The following TEX11 variants were observed in gnomAD, a reference collection of about 807,000 sequenced individuals.
TEX11 encodes testis expressed 11, also known as testis-expressed protein 11.
Under a neutral mutation model 84.4 loss-of-function variants are expected in TEX11, and 7 were observed. That is an observed-to-expected ratio of 0.08 (90% CI 0.05 to 0.16). TEX11 has a LOEUF of 0.16. Among genes scored for constraint, TEX11 ranks in the 10% least tolerant of loss-of-function variants. TEX11 has a pLI of 1.00. For missense variants in TEX11, 551 were observed against 660.5 expected (o/e 0.83, Z 1.82); for synonymous variants, 264 against 222.8 (o/e 1.18, Z -1.64).
chrX:70,587,129 G>A (rs2147490589), intron 25 of TEX11, among the ~76,000 whole-genome samples: 1 of 112,348 alleles, frequency 8.9e-6, no homozygotes, highest in South Asian at 3.7e-4. Flanking sequence ...AAGGGAAGCA[G>A]AGCATAAAAG....
chrX:70,907,142 G>C (rs2091838182), intron 2 of TEX11, among the ~76,000 whole-genome samples: 1 of 111,832 alleles, frequency 8.9e-6, no homozygotes, highest in East Asian at 2.8e-4. Flanking sequence ...GGATGATTAT[G>C]GAAAGGAACT....
In TEX11 at chrX:70,602,374, C is replaced by T. The variant is rs1308092675; in HGVS notation, c.2067+3027G>A. Among the ~76,000 whole-genome samples, 359 of 106,675 alleles carry T rather than the reference C, an allele frequency of 3.4e-3. 4 individuals carry two copies. Among genetic ancestry groups the T allele is most frequent in the African/African-American group, 0.012 (345 of 28,518 alleles). 92.6% of individuals were successfully genotyped at this position (106,675 alleles called of 115,157 possible). Reference sequence around the variant, plus strand: ...CACCATGATCAAGTGGGCTTCATCCCTGGGATGCAAGGCTGGTTCAATATA... The same window carrying T: ...CACCATGATCAAGTGGGCTTCATCCTTGGGATGCAAGGCTGGTTCAATATA... On this transcript the variant is annotated intron_variant, in intron 24 of 29. Transcript: ENST00000374333.
At chrX:70,813,634 A>G (rs1182376523) in intron 8 of TEX11, among the ~76,000 whole-genome samples, 28 of 111,483 alleles carry the variant, frequency 2.5e-4, no homozygotes, top group African/African-American at 9.1e-4. Context: ...AAGGGTATCC[A>G]ATTAGGAAAA....
At chrX:70,745,660 G>A (rs1212249875) in intron 9 of TEX11, among the ~76,000 whole-genome samples, 1 of 111,861 alleles carries the variant, frequency 8.9e-6, no homozygotes, top group Non-Finnish European at 1.9e-5. Context: ...CTTAAACCTA[G>A]GAGGTGGAGG....
At chrX:70,881,566 T>C (rs754408000) in intron 2 of TEX11, among the ~76,000 whole-genome samples, 98 of 110,851 alleles carry the variant, frequency 8.8e-4, no homozygotes, top group African/African-American at 3.0e-3. Context: ...AACAGAACTT[T>C]TACCTTGCTA....
intron 13 of TEX11, among the ~76,000 whole-genome samples, chrX:70,713,623 G>A: frequency 9.0e-6 from 1 of 111,290 alleles, no homozygotes; most frequent in Non-Finnish European, 1.9e-5. Flanking sequence ...TATTTCTGTG[G>A]GATCGGTGGT....
At chrX:70,713,118 G>T (rs1259183523) in intron 13 of TEX11, among the ~76,000 whole-genome samples, 9 of 111,923 alleles carry the variant, frequency 8.0e-5, no homozygotes. Flanking sequence ...TGTTGAACCA[G>T]CCTCGCATCC....
At chrX:70,545,334 T>C (rs1191892389) in intron 28 of TEX11, among the ~76,000 whole-genome samples, 1 of 112,574 alleles carries the variant, frequency 8.9e-6, no homozygotes, top group Non-Finnish European at 1.9e-5. Flanking sequence ...ATAAGTGTTT[T>C]CCTATTTTTA....
At chrX:70,897,299 A>G (rs1263049435) in intron 2 of TEX11, among the ~76,000 whole-genome samples, 4 of 103,579 alleles carry the variant, frequency 3.9e-5, no homozygotes. Flanking sequence ...TGAATGAAAC[A>G]GACAAGAGTT....
intron 12 of TEX11, chrX:70,724,061 C>G: frequency 1.3e-6 from 1 of 748,428 alleles, no homozygotes; most frequent in East Asian, 1.5e-4. Context: ...ATTTTAAACT[C>G]TGCTTCTTAC....
At chrX:70,634,019 A>C (rs1324561242) in intron 17 of TEX11, among the ~76,000 whole-genome samples, 1 of 112,467 alleles carries the variant, frequency 8.9e-6, no homozygotes, top group African/African-American at 3.2e-5. Context: ...AAGTGAGTTT[A>C]CCAAAGTTGT....
intron 9 of TEX11, among the ~76,000 whole-genome samples, chrX:70,792,778 T>C (rs1221029099): frequency 1.8e-5 from 2 of 110,677 alleles, no homozygotes; most frequent in Admixed American, 9.7e-5. Flanking sequence ...GTACCAATCC[T>C]ACTGAAAATA....
chrX:70,767,042 T>C (rs2090944925), intron 9 of TEX11, among the ~76,000 whole-genome samples: 1 of 111,881 alleles, frequency 8.9e-6, no homozygotes, highest in African/African-American at 3.2e-5. Flanking sequence ...AAAATCTCTA[T>C]AACATCAGTC....
intron 3 of TEX11, among the ~76,000 whole-genome samples, chrX:70,878,861 G>A (rs1026830154): frequency 9.0e-6 from 1 of 111,235 alleles, no homozygotes; most frequent in Non-Finnish European, 1.9e-5. Context: ...GCCAAAAGGT[G>A]GAAGCAATGA....
intron 28 of TEX11, 44 bp from the exon 29 acceptor site, chrX:70,530,043 T>C (rs1261263302): frequency 8.3e-6 from 9 of 1,085,855 alleles, no homozygotes; most frequent in Middle Eastern, 2.6e-4. Flanking sequence ...ACTGTCACAG[T>C]TCATTGTGGC....
chrX:70,605,359 G>A (rs1041990562), intron 24 of TEX11, 42 bp downstream of exon 24: 2 of 909,611 alleles, frequency 2.2e-6, no homozygotes, highest in African/African-American at 3.9e-5. Flanking sequence ...ATATCAAATA[G>A]CACACTGAAC....
intron 3 of TEX11, 147 bp downstream of exon 3, chrX:70,879,841 C>G (rs1287160539): frequency 2.9e-6 from 1 of 344,352 alleles, no homozygotes; most frequent in African/African-American, 2.7e-5. Flanking sequence ...AATTTTTCCC[C>G]CTAAATTAGG....
At chrX:70,570,028 G>C (rs2147968474) in intron 25 of TEX11, among the ~76,000 whole-genome samples, 1 of 112,252 alleles carries the variant, frequency 8.9e-6, no homozygotes, top group Non-Finnish European at 1.9e-5. Flanking sequence ...ACAGAGGCAG[G>C]CAGGCTTCCT....
intron 25 of TEX11, among the ~76,000 whole-genome samples, chrX:70,574,510 C>T (rs2088647740): frequency 9.0e-6 from 1 of 111,398 alleles, no homozygotes; most frequent in Admixed American, 9.7e-5. Flanking sequence ...GTGAGCTCTC[C>T]CAAGGATCTT....
Sources: allele counts gnomAD v4.1 joint callset (sites outside exome capture counted in the v4.1 genomes callset), GRCh38; gene constraint gnomAD v4.1.1; transcripts MANE v1.5; gene names NCBI Gene and HGNC (gene_info 2026-07-23, HGNC 2026-07-21).